The following RAB33B variants were observed in gnomAD, a reference collection of about 807,000 sequenced individuals.
RAB33B encodes the protein ras-related protein Rab-33B.
RAB33B carries 6 observed loss-of-function variants against 15.0 expected under a neutral mutation model. The observed-to-expected ratio is 0.40, with a 90% CI of 0.22 to 0.79. The LOEUF is 0.79. Among genes scored for constraint, RAB33B ranks in the 30% least tolerant of loss-of-function variants. The pLI, the probability that RAB33B is intolerant of heterozygous loss-of-function variation, is 0.37. For synonymous variants in RAB33B, 117 were observed against 108.3 expected (o/e 1.08, Z -0.50); for missense variants, 257 against 296.4 (o/e 0.87, Z 0.98).
Position 139,473,117 on chromosome 4 carries a change from C to T in RAB33B, c.681C>T (p.Cys227=), listed in dbSNP as rs766216565. 2 of 1,596,546 alleles carry T rather than the reference C, an allele frequency of 1.3e-6. No individual in the cohort carries two copies. Among genetic ancestry groups the T allele is most frequent in the Admixed American group, 3.6e-5 (2 of 56,186 alleles). ...CTGAACCAAAGCCTGCAATGACGTGCTGGTGCTAAATAACAGTCTTTATTA... is the reference window on the plus strand; with the variant it reads ...CTGAACCAAAGCCTGCAATGACGTGTTGGTGCTAAATAACAGTCTTTATTA... ...LKPEPKPAMT[C]WC is the part of the protein sequence containing the mutation. Residue 227 remains cysteine, a synonymous_variant, in exon 2 of 2, where the codon TGC becomes TGT. Coordinates refer to ENST00000305626, the MANE Select transcript of RAB33B (RefSeq NM_031296.3).
upstream of RAB33B, chr4:139,452,431 A>C (rs866610871): frequency 6.6e-6 from 1 of 152,334 alleles, no homozygotes; most frequent in Middle Eastern, 3.4e-3. Context: ...CCATCCTTGA[A>C]ATTCTCCCAT....
At chr4:139,459,978 A>C (rs1029360481) in intron 1 of RAB33B, among the ~76,000 whole-genome samples, 1 of 152,174 alleles carries the variant, frequency 6.6e-6, no homozygotes, top group African/African-American at 2.4e-5. Context: ...AAAAGTGTTG[A>C]ATATATAGAG....
At chr4:139,446,461 C>T in the RAB33B span, among the ~76,000 whole-genome samples, 2 of 152,156 alleles carry the variant, frequency 1.3e-5, no homozygotes. Flanking sequence ...CGATTATATA[C>T]TTATTCATGG....
the RAB33B span, among the ~76,000 whole-genome samples, chr4:139,448,102 GATCT>G: frequency 1.3e-5 from 2 of 152,156 alleles, no homozygotes; most frequent in Non-Finnish European, 2.9e-5. Context: ...GGAATACAGA[GATCT>G]ATTAAGGTGT....
In RAB33B at chr4:139,454,452, G is replaced by A. The variant is rs780395539; in HGVS notation, c.249+8G>A. 3 of 1,605,384 alleles carry A rather than the reference G, an allele frequency of 1.9e-6. No individual in the cohort carries two copies. The South Asian group carries it at 3.3e-5, about 18-fold the overall frequency. ...GATGGGGAGCGCATCAAGGTGAGCG[G>A]ATGGGGAACTGTTGGGGAGGACAGG... On this transcript the variant is annotated splice_region_variant and intron_variant, in intron 1 of 1. Coordinates refer to ENST00000305626, the MANE Select transcript of RAB33B (RefSeq NM_031296.3).
At chr4:139,454,031 G>A (rs1476068856), upstream of RAB33B, 2 of 774,050 alleles carry the variant, frequency 2.6e-6, no homozygotes, top group Non-Finnish European at 3.9e-6. Context: ...TGCGGGCAAG[G>A]GCGGGGCGGG....
chr4:139,459,998 T>A (rs1456018962), intron 1 of RAB33B, among the ~76,000 whole-genome samples: 5 of 152,004 alleles, frequency 3.3e-5, no homozygotes, highest in Non-Finnish European at 7.4e-5. Flanking sequence ...GGCAGAGAGA[T>A]CAGTTGGTAG....
At position 139,473,272 on chromosome 4, in the gene RAB33B, T is replaced by A. The variant is rs1006747025; in HGVS notation, c.*146T>A. 18 of 781,518 alleles carry A rather than the reference T, an allele frequency of 2.3e-5. No individual in the cohort carries two copies. The highest frequency in any genetic ancestry group is 3.1e-5 in the Admixed American group (1 of 31,982). The allele number at this position is 781,518 out of a possible 1,614,324, so 48.4% of individuals were successfully genotyped here. The stretch of plus-strand genomic sequence containing the variant: ...CATTGTCACGCTTTTGTATTTTGTA[T>A]CTACTTAAGTTTGTCACTGTGACAA... On this transcript the variant is annotated 3_prime_UTR_variant, in exon 2 of 2. Coordinates refer to ENST00000305626, the MANE Select transcript of RAB33B (RefSeq NM_031296.3).
rs1429679449 is a variant in RAB33B, at chr4:139,473,183, A to G, written c.*57A>G. 8 of 1,417,346 alleles carry G rather than the reference A, an allele frequency of 5.6e-6. No individual in the cohort carries two copies. The highest frequency in any genetic ancestry group is 6.7e-6 in the Non-Finnish European group (7 of 1,050,966). 87.8% of individuals were successfully genotyped at this position (1,417,346 alleles called of 1,614,324 possible). On this transcript the variant is annotated 3_prime_UTR_variant, in exon 2 of 2. Coordinates refer to ENST00000305626, the MANE Select transcript of RAB33B (RefSeq NM_031296.3). ...ACTAAAGAAATACTTTTGAAGTATG[A>G]CAGTATTAAGTCATAAGATTTAATC...
upstream of RAB33B, chr4:139,450,389 A>T (rs1251705620): frequency 3.3e-5 from 5 of 152,238 alleles, 1 homozygote; most frequent in Admixed American, 3.3e-4. Flanking sequence ...GTGTCTTCAA[A>T]GGAGAAGTAA....
At chr4:139,466,194 G>T (rs1750280762) in intron 1 of RAB33B, among the ~76,000 whole-genome samples, 1 of 152,164 alleles carries the variant, frequency 6.6e-6, no homozygotes, top group Admixed American at 6.5e-5. Context: ...GACATCCACA[G>T]TTCTTTGAGG....
chr4:139,470,291 C>T (rs371758330), intron 1 of RAB33B, among the ~76,000 whole-genome samples: 1 of 152,086 alleles, frequency 6.6e-6, no homozygotes, highest in African/African-American at 2.4e-5. Context: ...CTCTTCCCTC[C>T]CATTTCCAAA....
chr4:139,464,386 G>GTTT (rs372330119), intron 1 of RAB33B, among the ~76,000 whole-genome samples: 4,401 of 101,278 alleles, frequency 0.043, 507 homozygotes, highest in Non-Finnish European at 0.051. Context: ...GAGGAATACT[G>GTTT]TTTTTTTTTT....
At position 139,473,300 on chromosome 4, in the gene RAB33B, C is replaced by A. The variant is rs1157505479; in HGVS notation, c.*174C>A. ...ACTTAAGTTTGTCACTGTGACAACA[C>A]AGGAAAAGTTGGTTTTCAGGTGAGA... On this transcript the variant is annotated 3_prime_UTR_variant, in exon 2 of 2. Transcript: ENST00000305626. 19 of 625,228 alleles carry A rather than the reference C, an allele frequency of 3.0e-5. No homozygotes were observed. Among genetic ancestry groups the A allele is most frequent in the Non-Finnish European group, 4.7e-5 (18 of 383,658 alleles). 38.7% of individuals were successfully genotyped at this position (625,228 alleles called of 1,614,324 possible).
chr4:139,438,672 T>C, the RAB33B span, among the ~76,000 whole-genome samples: 1 of 151,836 alleles, frequency 6.6e-6, no homozygotes, highest in Non-Finnish European at 1.5e-5. Flanking sequence ...TGGCAGGGAG[T>C]TTTCCCAACA....
intron 1 of RAB33B, among the ~76,000 whole-genome samples, chr4:139,455,482 T>C (rs1750051973): frequency 6.6e-6 from 1 of 152,204 alleles, no homozygotes; most frequent in African/African-American, 2.4e-5. Context: ...TATTTTTCAG[T>C]TCCCTAATCA....
At chr4:139,454,602 AC>A (rs923988672) in intron 1 of RAB33B, among the ~76,000 whole-genome samples, 158 bp downstream of exon 1, 1 of 152,174 alleles carries the variant, frequency 6.6e-6, no homozygotes, top group African/African-American at 2.4e-5. Context: ...AATACTGCAA[AC>A]TTCTAAGGCA....
the RAB33B span, among the ~76,000 whole-genome samples, chr4:139,441,894 ATTTG>A: frequency 1.3e-5 from 2 of 152,090 alleles, no homozygotes; most frequent in Non-Finnish European, 2.9e-5. Context: ...ATCCTCTCCT[ATTTG>A]TTTCATTTTC....
chr4:139,473,475 C>T lies in RAB33B; in HGVS notation c.*349C>T. 4.6e-6 allele frequency: 1 copy of T among 218,914 alleles called. No homozygotes were observed. Among genetic ancestry groups the T allele is most frequent in the Non-Finnish European group, 9.1e-6 (1 of 109,822 alleles). The allele number at this position is 218,914 out of a possible 1,614,324, so 13.6% of individuals were successfully genotyped here. On this transcript the variant is annotated 3_prime_UTR_variant, in exon 2 of 2. Coordinates refer to ENST00000305626, the MANE Select transcript of RAB33B (RefSeq NM_031296.3). ...AAAATGTTAAAGGTTTAGGACACAC[C>T]TAATAGTATGTCCTTTGAATGGGAA...
Sources: allele counts gnomAD v4.1 joint callset (sites outside exome capture counted in the v4.1 genomes callset), GRCh38; gene constraint gnomAD v4.1.1; transcripts MANE v1.5; gene names NCBI Gene and HGNC (gene_info 2026-07-23, HGNC 2026-07-21).